GALNT14: variants seen among roughly 807,000 people sequenced by gnomAD.
GALNT14 encodes polypeptide N-acetylgalactosaminyltransferase 14, also known as UDP-GalNAc:polypeptide N-acetylgalactosaminyltransferase 14.
A neutral mutation model predicts 77.5 loss-of-function variants in GALNT14; 60 were observed. The observed-to-expected ratio is 0.77, with a 90% confidence interval of 0.63 to 0.96. The LOEUF (loss-of-function observed/expected upper bound fraction) is 0.96, where lower values mean the gene tolerates loss of function less well. GALNT14 is among the 40% of genes least tolerant of loss of function. The probability of loss-of-function intolerance (pLI) is 0.00; values close to 1 mark genes in which losing one functional copy is unlikely to be tolerated. For synonymous variants in GALNT14, 280 were observed against 281.7 expected (o/e 0.99, Z 0.06); for missense variants, 710 against 731.0 (o/e 0.97, Z 0.33).
chr2:30,931,967 G>T, intron 10 of GALNT14, 101 bp downstream of exon 10: 1 of 1,228,040 alleles, frequency 8.1e-7, no homozygotes, highest in Non-Finnish European at 1.1e-6. Context: ...CACACAGGCA[G>T]CCTAACAGAG....
At chr2:30,928,643 G>T (rs1057072619) in intron 11 of GALNT14, among the ~76,000 whole-genome samples, 1 of 151,872 alleles carries the variant, frequency 6.6e-6, no homozygotes. Flanking sequence ...TTGAGATGGG[G>T]TCTCGCTCTG....
chr2:30,925,949 C>CA (rs1665348639), intron 11 of GALNT14, among the ~76,000 whole-genome samples: 1 of 152,158 alleles, frequency 6.6e-6, no homozygotes, highest in Non-Finnish European at 1.5e-5. Context: ...GAATGAAGAA[C>CA]AACAGGCTGA....
intron 1 of GALNT14, among the ~76,000 whole-genome samples, chr2:31,011,648 G>A (rs750098541): frequency 6.6e-6 from 1 of 152,102 alleles, no homozygotes; most frequent in African/African-American, 2.4e-5. Context: ...TCTGAAAGAT[G>A]AGCTCACACT....
chr2:31,048,551 A>G (rs1673627092), intron 1 of GALNT14, among the ~76,000 whole-genome samples: 1 of 149,198 alleles, frequency 6.7e-6, no homozygotes, highest in South Asian at 2.1e-4. Flanking sequence ...CAAAAATAAG[A>G]CAGTGCTGGA....
rs1187991148 is a variant in GALNT14, at chr2:31,137,944, G to A, written c.129+14C>T. Reference sequence around the variant, plus strand: ...AGCCACCGCTCAGCGCCAGCGCGCCGGCAAGCCGCCTACCTTAGGGGTCTG... The same window carrying A: ...AGCCACCGCTCAGCGCCAGCGCGCCAGCAAGCCGCCTACCTTAGGGGTCTG... On this transcript the variant is annotated intron_variant, in intron 1 of 14. Transcript: ENST00000349752. The A allele has an allele frequency of 6.2e-7, 1 of 1,604,506 alleles. No individual in the cohort carries two copies. Among genetic ancestry groups the A allele is most frequent in the East Asian group, 2.3e-5 (1 of 44,200 alleles).
intron 1 of GALNT14, among the ~76,000 whole-genome samples, chr2:31,115,966 A>G (rs1678084773): frequency 6.6e-6 from 1 of 152,206 alleles, no homozygotes; most frequent in South Asian, 2.1e-4. Context: ...AGCTACAGTG[A>G]GCTATGACTG....
intron 2 of GALNT14, among the ~76,000 whole-genome samples, chr2:30,982,037 T>C (rs1177729728): frequency 1.3e-5 from 2 of 152,074 alleles, no homozygotes; most frequent in Non-Finnish European, 2.9e-5. Flanking sequence ...CTGTGCCTGG[T>C]TCTTGGGCAA....
intron 1 of GALNT14, among the ~76,000 whole-genome samples, chr2:31,003,606 C>G (rs1670492078): frequency 6.6e-6 from 1 of 152,206 alleles, no homozygotes. Flanking sequence ...CTCTCCTCCC[C>G]ACCACTTCGC....
chr2:30,981,523 G>A (rs911198734), intron 2 of GALNT14, among the ~76,000 whole-genome samples: 4 of 152,146 alleles, frequency 2.6e-5, no homozygotes. Flanking sequence ...ACTGCGTGGA[G>A]GGCATGAGAG....
chr2:31,098,863 G>A (rs770983468), intron 1 of GALNT14, among the ~76,000 whole-genome samples: 3 of 151,982 alleles, frequency 2.0e-5, no homozygotes, highest in Non-Finnish European at 2.9e-5. Flanking sequence ...AAAATCACAA[G>A]GAAGATAAAA....
intron 6 of GALNT14, among the ~76,000 whole-genome samples, chr2:30,953,766 C>A (rs1667185879): frequency 2.0e-5 from 3 of 152,184 alleles, no homozygotes; most frequent in South Asian, 4.1e-4. Context: ...TTACACAGCC[C>A]ATTCCAACCC....
rs1428912229 is a variant in GALNT14 at position 30,991,268 on chromosome 2, C to T, written c.299+1570G>A. 2 of 152,032 alleles carry T rather than the reference C, an allele frequency of 1.3e-5. 1 individual carries two copies. The highest frequency in any genetic ancestry group is 4.2e-4 in the South Asian group (2 of 4,810). 9.4% of individuals were successfully genotyped at this position (152,032 alleles called of 1,614,324 possible). A position where few individuals can be genotyped will look rare whatever the true frequency, so the allele number is the denominator to read the frequency against. ...CCTTTGTCCCTCAAGAAAGCCCTGG[C>T]CTCTGGACTCAGGACAAGGGTCCAC... On this transcript the variant is annotated intron_variant, in intron 2 of 14. Transcript: ENST00000349752.
intron 1 of GALNT14, among the ~76,000 whole-genome samples, chr2:31,097,624 T>A (rs902256014): frequency 2.6e-5 from 4 of 152,124 alleles, no homozygotes; most frequent in Admixed American, 2.6e-4. Flanking sequence ...GGTATTATTA[T>A]CTGGACTTTT....
intron 9 of GALNT14, among the ~76,000 whole-genome samples, chr2:30,933,806 G>T (rs1449632334): frequency 6.6e-6 from 1 of 152,246 alleles, no homozygotes; most frequent in African/African-American, 2.4e-5. Flanking sequence ...TAAGCTCGCG[G>T]AGGCCTGATT....
chr2:31,019,971 C>T (rs928092760), intron 1 of GALNT14, among the ~76,000 whole-genome samples: 1 of 152,094 alleles, frequency 6.6e-6, no homozygotes. Context: ...CTCAGTCTAC[C>T]CTATGAATAT....
At chr2:30,893,848 A>T in the GALNT14 span, among the ~76,000 whole-genome samples, 1 of 151,962 alleles carries the variant, frequency 6.6e-6, no homozygotes, top group South Asian at 2.1e-4. Flanking sequence ...TGGGTTGAAT[A>T]TCCTTTTATT....
At chr2:31,107,979 C>T (rs964008379) in intron 1 of GALNT14, among the ~76,000 whole-genome samples, 1 of 152,172 alleles carries the variant, frequency 6.6e-6, no homozygotes, top group Admixed American at 6.5e-5. Context: ...TCCCCAGCAA[C>T]CCACACACTC....
intron 1 of GALNT14, among the ~76,000 whole-genome samples, chr2:31,119,483 A>G (rs12614812): frequency 0.3 from 45,994 of 152,092 alleles, 7,880 homozygotes; most frequent in Admixed American, 0.38. Flanking sequence ...TCTGGTAATC[A>G]GAGGAATATA....
intron 2 of GALNT14, among the ~76,000 whole-genome samples, chr2:30,979,909 G>GC: frequency 6.6e-6 from 1 of 152,084 alleles, no homozygotes; most frequent in Non-Finnish European, 1.5e-5. Context: ...GTAGTTGCTG[G>GC]CCCCCGGCTC....
Sources: allele counts gnomAD v4.1 joint callset (sites outside exome capture counted in the v4.1 genomes callset), GRCh38; gene constraint gnomAD v4.1.1; transcripts MANE v1.5; gene names NCBI Gene and HGNC (gene_info 2026-07-23, HGNC 2026-07-21).